LIPC: variants seen among roughly 807,000 people sequenced by gnomAD.
LIPC encodes hepatic triacylglycerol lipase.
A neutral mutation model predicts 50.7 loss-of-function variants in LIPC; 44 were observed. The observed-to-expected ratio is 0.87, with a 90% CI of 0.68 to 1.11. LIPC has a LOEUF of 1.11. Among genes scored for constraint, LIPC ranks in the 50% most tolerant of loss-of-function variants. The pLI is 0.00. For missense variants in LIPC, 697 were observed against 648.2 expected (o/e 1.08, Z -0.82); for synonymous variants, 271 against 256.4 (o/e 1.06, Z -0.54).
In LIPC at chr15:58,520,118, T is replaced by TG. The variant is rs1244327791; in HGVS notation, c.89-18215_89-18214insG. Among the ~76,000 whole-genome samples the TG allele has an allele frequency of 4.9e-5, 7 of 143,370 alleles. No homozygotes were observed. In the East Asian group the frequency reaches 1.4e-3, roughly 28 times the overall value. 94.1% of individuals were successfully genotyped at this position (143,370 alleles called of 152,430 possible). A position where few individuals can be genotyped will look rare whatever the true frequency, so the allele number is the denominator to read the frequency against. On this transcript the variant is annotated intron_variant, in intron 1 of 8. Coordinates refer to ENST00000299022, the MANE Select transcript of LIPC (RefSeq NM_000236.3). The stretch of plus-strand genomic sequence containing the variant: ...GCACCTCAGGTTTTGGGCTGTTTTT[T>TG]TTTTGTTTTTTTTTTAATCTGTTAA...
chr15:58,446,296 G>A (rs1893692597), intron 1 of LIPC, among the ~76,000 whole-genome samples: 1 of 152,044 alleles, frequency 6.6e-6, no homozygotes, highest in African/African-American at 2.4e-5. Flanking sequence ...CCACCTCCTG[G>A]GTTCAAGCGA....
At chr15:58,478,739 A>G (rs572937433) in intron 1 of LIPC, among the ~76,000 whole-genome samples, 21 of 152,336 alleles carry the variant, frequency 1.4e-4, no homozygotes, top group African/African-American at 5.1e-4. Flanking sequence ...GAACTACTGC[A>G]CGCTTGTTTT....
intron 1 of LIPC, chr15:58,435,945 T>C (rs984777864): frequency 6.6e-6 from 1 of 152,192 alleles, no homozygotes; most frequent in Non-Finnish European, 1.5e-5. Flanking sequence ...GGCAAAGCTC[T>C]TTCCAGAAAA....
chr15:58,502,351 C>A (rs1359031049), intron 1 of LIPC, among the ~76,000 whole-genome samples: 1 of 152,134 alleles, frequency 6.6e-6, no homozygotes, highest in Non-Finnish European at 1.5e-5. Flanking sequence ...ACCTGGACAG[C>A]AGGATTGTGA....
chr15:58,535,629 A>G (rs958337760), intron 1 of LIPC, among the ~76,000 whole-genome samples: 1 of 152,204 alleles, frequency 6.6e-6, no homozygotes, highest in Admixed American at 6.5e-5. Flanking sequence ...CACAGAAAGA[A>G]AGGATTTCAC....
intron 1 of LIPC, among the ~76,000 whole-genome samples, chr15:58,438,144 C>A (rs1893372034): frequency 6.6e-6 from 1 of 152,156 alleles, no homozygotes; most frequent in South Asian, 2.1e-4. Flanking sequence ...CCTGGCTACC[C>A]ACGATGGCCC....
At chr15:58,520,317 A>G (rs1892617115) in intron 1 of LIPC, among the ~76,000 whole-genome samples, 1 of 152,112 alleles carries the variant, frequency 6.6e-6, no homozygotes, top group African/African-American at 2.4e-5. Context: ...GTCCTCTGCC[A>G]TCTCCTGTAG....
chr15:58,524,448 A>G (rs1229774970), intron 1 of LIPC, among the ~76,000 whole-genome samples: 1 of 152,248 alleles, frequency 6.6e-6, no homozygotes, highest in Non-Finnish European at 1.5e-5. Flanking sequence ...GCCACAGGGT[A>G]GAGTCCCATG....
At chr15:58,452,887 T>C (rs1427479993) in intron 1 of LIPC, among the ~76,000 whole-genome samples, 3 of 152,200 alleles carry the variant, frequency 2.0e-5, no homozygotes, top group Non-Finnish European at 1.5e-5. Flanking sequence ...CTTGCTCTGG[T>C]TCACTGTGGT....
intron 1 of LIPC, among the ~76,000 whole-genome samples, chr15:58,502,837 A>T (rs1892031591): frequency 6.6e-6 from 1 of 152,112 alleles, no homozygotes; most frequent in African/African-American, 2.4e-5. Context: ...AGACAGCCCA[A>T]CAGGCTTTAG....
intron 1 of LIPC, among the ~76,000 whole-genome samples, chr15:58,484,408 G>T (rs996762924): frequency 1.3e-5 from 2 of 152,066 alleles, no homozygotes; most frequent in Admixed American, 6.6e-5. Context: ...CATCATGGAG[G>T]GTGTATCCAG....
chr15:58,451,810 C>T (rs1893909186), intron 1 of LIPC, among the ~76,000 whole-genome samples: 1 of 152,150 alleles, frequency 6.6e-6, no homozygotes, highest in South Asian at 2.1e-4. Flanking sequence ...GGAGGATGCT[C>T]CTGCCCTGCT....
In LIPC at chr15:58,563,965, C is replaced by T. The variant is rs971143156; in HGVS notation, c.1388+242C>T. ...GGGTCTCCCCACTGCCCGTGGCTAA[C>T]GCTGCCTGCCTCTGGAGCCTGAGGA... On this transcript the variant is annotated intron_variant, in intron 8 of 8. Coordinates refer to ENST00000299022, the MANE Select transcript of LIPC (RefSeq NM_000236.3). The T allele has an allele frequency of 6.7e-5, 35 of 522,444 alleles. 1 individual carries two copies. The highest frequency in any genetic ancestry group is 1.5e-4 in the South Asian group (8 of 52,892). The allele number at this position is 522,444 out of a possible 1,614,324, so 32.4% of individuals were successfully genotyped here.
intron 6 of LIPC, among the ~76,000 whole-genome samples, chr15:58,551,884 C>G (rs1407761990): frequency 1.3e-5 from 2 of 152,190 alleles, no homozygotes; most frequent in African/African-American, 2.4e-5. Flanking sequence ...GATATTTCGA[C>G]AAAACCATCA....
chr15:58,545,957 G>T lies in LIPC; in HGVS notation c.790G>T (p.Ala264Ser). ...CHFLELYRHI[A>S]QHGFNAITQT... is the part of the protein sequence containing the mutation. Reference sequence around the variant, plus strand: ...CTTCCTAGAGCTCTACAGACATATTGCCCAGCACGGCTTCAATGGTGAGAA... The same window carrying T: ...CTTCCTAGAGCTCTACAGACATATTTCCCAGCACGGCTTCAATGGTGAGAA... Residue 264 changes from alanine (A) to serine (S), a missense_variant, in exon 5 of 9, where the codon GCC becomes TCC. Coordinates refer to ENST00000299022, the MANE Select transcript of LIPC (RefSeq NM_000236.3). 1 of 1,613,668 alleles carries T rather than the reference G, an allele frequency of 6.2e-7. No individual in the cohort carries two copies. The highest frequency in any genetic ancestry group is 1.1e-5 in the South Asian group (1 of 91,072).
intron 1 of LIPC, among the ~76,000 whole-genome samples, chr15:58,481,886 G>A (rs1891201520): frequency 6.6e-6 from 1 of 152,232 alleles, no homozygotes; most frequent in South Asian, 2.1e-4. Context: ...GTGCCAACCA[G>A]TATGCATGGC....
intron 1 of LIPC, among the ~76,000 whole-genome samples, chr15:58,511,957 C>A (rs1185953068): frequency 1.3e-5 from 2 of 152,272 alleles, no homozygotes; most frequent in African/African-American, 4.8e-5. Context: ...CACATACACA[C>A]AATTAAACTC....
At chr15:58,456,698 AG>A (rs1166053491) in intron 1 of LIPC, among the ~76,000 whole-genome samples, 1 of 152,258 alleles carries the variant, frequency 6.6e-6, no homozygotes, top group Non-Finnish European at 1.5e-5. Context: ...AGCCTCAGGT[AG>A]ATGTCTGGTC....
At chr15:58,455,412 C>G (rs1372523319) in intron 1 of LIPC, among the ~76,000 whole-genome samples, 1 of 152,068 alleles carries the variant, frequency 6.6e-6, no homozygotes, top group Non-Finnish European at 1.5e-5. Context: ...TTGCTAGCCC[C>G]TCATCTAGAC....
Sources: allele counts gnomAD v4.1 joint callset (sites outside exome capture counted in the v4.1 genomes callset), GRCh38; gene constraint gnomAD v4.1.1; transcripts MANE v1.5; gene names NCBI Gene and HGNC (gene_info 2026-07-23, HGNC 2026-07-21).